The following PTN variants were observed in gnomAD, a reference collection of about 807,000 sequenced individuals.
PTN encodes the protein heparin affin regulatory protein.
A neutral mutation model predicts 24.1 loss-of-function variants in PTN; 18 were observed. That is an observed-to-expected ratio of 0.75 (90% confidence interval 0.52 to 1.11). The LOEUF (loss-of-function observed/expected upper bound fraction) is 1.11, where lower values mean the gene tolerates loss of function less well. Ranked by LOEUF, PTN falls within the 50% of genes least tolerant of loss-of-function variation. The pLI is 0.00. For synonymous variants in PTN, 78 were observed against 68.6 expected, an observed-to-expected ratio of 1.14 and a Z score of -0.67; for missense variants, 163 against 198.8, an observed-to-expected ratio of 0.82 and a Z score of 1.08.
chr7:137,271,908 C>T (rs1190178538), intron 1 of PTN, among the ~76,000 whole-genome samples: 3 of 152,206 alleles, frequency 2.0e-5, no homozygotes, highest in South Asian at 2.1e-4. Flanking sequence ...TTAGAGATTA[C>T]GTATGAAAAT....
chr7:137,228,229 C>T (rs565145201), intron 4 of PTN, among the ~76,000 whole-genome samples, 154 bp from the exon 5 acceptor site: 18 of 151,762 alleles, frequency 1.2e-4, no homozygotes, highest in South Asian at 2.1e-4. Context: ...TGAGAAAACA[C>T]TATGTGTATG....
At chr7:137,268,317 T>C (rs1809199585) in intron 1 of PTN, among the ~76,000 whole-genome samples, 1 of 151,992 alleles carries the variant, frequency 6.6e-6, no homozygotes, top group Non-Finnish European at 1.5e-5. Context: ...GACCGTCCAT[T>C]ACTCACCTCG....
At position 137,326,386 on chromosome 7, in the gene PTN, A is replaced by T. The variant is rs561548981; in HGVS notation, c.-2+17053T>A. 8 of 152,202 alleles carry T rather than the reference A, an allele frequency of 5.3e-5. No homozygotes were observed. The South Asian group carries it at 6.2e-4, about 12-fold the overall frequency. The allele number at this position is 152,202 out of a possible 1,614,324, so 9.4% of individuals were successfully genotyped here. A position where few individuals can be genotyped will look rare whatever the true frequency, so the allele number is the denominator to read the frequency against. ...AATGTCAACATCTCATTGTTTACTCACCCTTCATGTACTCACCTCCCATTA... is the reference window on the plus strand; with the variant it reads ...AATGTCAACATCTCATTGTTTACTCTCCCTTCATGTACTCACCTCCCATTA... On this transcript the variant is annotated intron_variant, in intron 1 of 4. Transcript: ENST00000348225.
chr7:137,328,762 AAAACAATGGGAATT>A (rs1810303695), intron 1 of PTN, among the ~76,000 whole-genome samples: 1 of 152,172 alleles, frequency 6.6e-6, no homozygotes, highest in East Asian at 1.9e-4. Flanking sequence ...GGTGTTTGAG[AAAACAATGGGAATT>A]AAACAATGGG....
Position 137,280,691 on chromosome 7 carries a change from T to TAAC in PTN, c.-1-25718_-1-25717insGTT, listed in dbSNP as rs760779128. On this transcript the variant is annotated intron_variant, in intron 1 of 4. Coordinates refer to ENST00000348225, the MANE Select transcript of PTN (RefSeq NM_002825.7). The stretch of plus-strand genomic sequence containing the variant: ...CAACATGGCAAAACCCCGTCTCTAC[T>TAAC]AAAAATACAAAAAAAAAAAAAAAAA... Among the ~76,000 whole-genome samples, 48 of 14,742 alleles carry TAAC rather than the reference T, an allele frequency of 3.3e-3. 1 individual carries two copies. The highest frequency in any genetic ancestry group is 6.3e-3 in the Admixed American group (5 of 800). 9.7% of individuals were successfully genotyped at this position (14,742 alleles called of 152,430 possible). A position where few individuals can be genotyped will look rare whatever the true frequency, so the allele number is the denominator to read the frequency against.
rs560002991 is a variant in PTN, at chr7:137,302,803, G to A, written c.-2+40636C>T. ...GAGGTAACTGGAACATATAGGATGT[G>A]CCATTTAATGGTAGGACACAGTTGC... On this transcript the variant is annotated intron_variant, in intron 1 of 4. Transcript: ENST00000348225. 4.6e-5 allele frequency among the ~76,000 whole-genome samples: 7 copies of A among 152,034 alleles called. No homozygotes were observed. In the South Asian group the frequency reaches 6.2e-4, roughly 14 times the overall value.
At chr7:137,317,483 CT>C (rs899197023) in intron 1 of PTN, among the ~76,000 whole-genome samples, 2 of 152,066 alleles carry the variant, frequency 1.3e-5, no homozygotes, top group African/African-American at 4.8e-5. Context: ...GTGGCAACCC[CT>C]ATACTTCACA....
At chr7:137,300,504 G>A (rs1486398030) in intron 1 of PTN, among the ~76,000 whole-genome samples, 2 of 151,912 alleles carry the variant, frequency 1.3e-5, no homozygotes, top group African/African-American at 4.8e-5. Flanking sequence ...GGGGCATTGT[G>A]GAAAGAGACA....
chr7:137,233,280 C>A (rs1037680935), intron 4 of PTN, among the ~76,000 whole-genome samples: 1 of 151,880 alleles, frequency 6.6e-6, no homozygotes, highest in African/African-American at 2.4e-5. Context: ...AGATGTTTGC[C>A]ACTTACCAGC....
At chr7:137,254,221 C>T (rs191933479) in intron 2 of PTN, among the ~76,000 whole-genome samples, 223 of 151,158 alleles carry the variant, frequency 1.5e-3, no homozygotes, top group African/African-American at 5.1e-3. Context: ...TCACTTGAAC[C>T]GGGAGACAGA....
chr7:137,343,468 C>T lies in PTN; in HGVS notation c.-31G>A. The T allele has an allele frequency of 1.9e-6, 1 of 518,366 alleles. No individual in the cohort carries two copies. The highest frequency in any genetic ancestry group is 3.9e-6 in the Non-Finnish European group (1 of 259,642). The allele number at this position is 518,366 out of a possible 1,614,324, so 32.1% of individuals were successfully genotyped here. On this transcript the variant is annotated 5_prime_UTR_variant, in exon 1 of 5. Transcript: ENST00000348225. ...AGTTGGAAACGTCCTCTCTGGCGCT[C>T]AGTCTGCCTTTGTTGCAAGGGGCGA...
At position 137,227,825 on chromosome 7, in the gene PTN, A is replaced by ATT. The variant is rs1387590770; in HGVS notation, c.*193_*194dup. On this transcript the variant is annotated 3_prime_UTR_variant, in exon 5 of 5. Coordinates refer to ENST00000348225, the MANE Select transcript of PTN (RefSeq NM_002825.7). Reference sequence around the variant, plus strand: ...TTCCTAAATAAGATTACAGTCCTTTATTATAAGCCCCTACTGGTACTATAG... The same window carrying ATT: ...TTCCTAAATAAGATTACAGTCCTTTATTTTATAAGCCCCTACTGGTACTATAG... 2 of 435,984 alleles carry ATT rather than the reference A, an allele frequency of 4.6e-6. No homozygotes were observed. The highest frequency in any genetic ancestry group is 7.8e-6 in the Non-Finnish European group (2 of 256,540). The allele number at this position is 435,984 out of a possible 1,614,324, so 27.0% of individuals were successfully genotyped here. A position where few individuals can be genotyped will look rare whatever the true frequency, so the allele number is the denominator to read the frequency against.
At chr7:137,307,871 C>T (rs1809915190) in intron 1 of PTN, among the ~76,000 whole-genome samples, 1 of 152,132 alleles carries the variant, frequency 6.6e-6, no homozygotes, top group African/African-American at 2.4e-5. Context: ...CCAACCCCCT[C>T]CACAGCTGCT....
intron 1 of PTN, among the ~76,000 whole-genome samples, chr7:137,279,895 C>CAGT (rs1309904258): frequency 6.6e-6 from 1 of 152,134 alleles, no homozygotes; most frequent in East Asian, 1.9e-4. Context: ...ACATTACAGA[C>CAGT]TTAAACTGTG....
At chr7:137,271,562 A>C (rs550527813) in intron 1 of PTN, among the ~76,000 whole-genome samples, 8 of 152,356 alleles carry the variant, frequency 5.3e-5, no homozygotes, top group Admixed American at 2.6e-4. Flanking sequence ...TGTGATAGTA[A>C]AGGTATGTTT....
rs75911292 is a variant in PTN, at chr7:137,298,971, T to C, written c.-1-43997A>G. On this transcript the variant is annotated intron_variant, in intron 1 of 4. Coordinates refer to ENST00000348225, the MANE Select transcript of PTN (RefSeq NM_002825.7). Reference sequence around the variant, plus strand: ...TGAGCTTTGGAGTAATTGGGAGCAATTGAACACTCTAAAGAGTGTTTTATT... The same window carrying C: ...TGAGCTTTGGAGTAATTGGGAGCAACTGAACACTCTAAAGAGTGTTTTATT... Among the ~76,000 whole-genome samples, 1,382 of 151,922 alleles carry C rather than the reference T, an allele frequency of 9.1e-3. 26 individuals are homozygous for C. Among genetic ancestry groups the C allele is most frequent in the African/African-American group, 0.032 (1,313 of 41,476 alleles).
At chr7:137,324,040 G>A (rs1810209123) in intron 1 of PTN, among the ~76,000 whole-genome samples, 1 of 152,056 alleles carries the variant, frequency 6.6e-6, no homozygotes, top group Admixed American at 6.6e-5. Flanking sequence ...AAATTCAGGT[G>A]ATTTAATACA....
At position 137,227,965 on chromosome 7, in the gene PTN, T is replaced by C. The variant is rs1808362412; in HGVS notation, c.*55A>G. On this transcript the variant is annotated 3_prime_UTR_variant, in exon 5 of 5. Coordinates refer to ENST00000348225, the MANE Select transcript of PTN (RefSeq NM_002825.7). The stretch of plus-strand genomic sequence containing the variant: ...AAGCCTACGGTACATATAAATGCAA[T>C]AGTTAACTGATCCTGTTTGCTGATG... The C allele has an allele frequency of 1.2e-5, 19 of 1,594,312 alleles. No individual in the cohort carries two copies. The highest frequency in any genetic ancestry group is 5.1e-6 in the Non-Finnish European group (6 of 1,172,360).
chr7:137,320,204 A>G lies in PTN; in HGVS notation c.-2+23235T>C, dbSNP rs77775142. Reference sequence around the variant, plus strand: ...CAGTCTTCTACTTTTGTCTGTTTCTACTCATCTTTCACCATAATTCGCCCA... The same window carrying G: ...CAGTCTTCTACTTTTGTCTGTTTCTGCTCATCTTTCACCATAATTCGCCCA... On this transcript the variant is annotated intron_variant, in intron 1 of 4. Coordinates refer to ENST00000348225, the MANE Select transcript of PTN (RefSeq NM_002825.7). 9.4e-3 allele frequency among the ~76,000 whole-genome samples: 1,425 copies of G among 152,214 alleles called. 26 individuals carry two copies. Among genetic ancestry groups the G allele is most frequent in the African/African-American group, 0.032 (1,336 of 41,536 alleles).
Sources: allele counts gnomAD v4.1 joint callset (sites outside exome capture counted in the v4.1 genomes callset), GRCh38; gene constraint gnomAD v4.1.1; transcripts MANE v1.5; gene names NCBI Gene and HGNC (gene_info 2026-07-23, HGNC 2026-07-21).